The following MAML1 variants were observed in gnomAD, a reference collection of about 807,000 sequenced individuals.
The protein encoded by MAML1 is mastermind-like protein 1.
Under a neutral mutation model 77.1 loss-of-function variants are expected in MAML1, and 14 were observed. That is an observed-to-expected ratio of 0.18 (90% CI 0.12 to 0.28). The LOEUF (loss-of-function observed/expected upper bound fraction) is 0.28. Among genes scored for constraint, MAML1 ranks in the 10% least tolerant of loss-of-function variants. The probability of loss-of-function intolerance (pLI) is 1.00; values close to 1 mark genes in which losing one functional copy is unlikely to be tolerated. For synonymous variants in MAML1, 516 were observed against 551.9 expected, an observed-to-expected ratio of 0.93 and a Z score of 0.91; for missense variants, 1,217 against 1,327.8, an observed-to-expected ratio of 0.92 and a Z score of 1.30.
chr5:179,762,391 C>T (rs1450950337), intron 1 of MAML1, among the ~76,000 whole-genome samples: 1 of 151,822 alleles, frequency 6.6e-6, no homozygotes, highest in Non-Finnish European at 1.5e-5. Flanking sequence ...AGTGTGGCCT[C>T]CCAGCGAGGG....
chr5:179,739,627 C>T (rs1486597359), intron 1 of MAML1, among the ~76,000 whole-genome samples: 7 of 152,128 alleles, frequency 4.6e-5, no homozygotes, highest in Admixed American at 2.0e-4. Context: ...AAGGCTGCAG[C>T]GAGCTATGAT....
chr5:179,753,269 TTGTC>T lies in MAML1; in HGVS notation c.316-12051_316-12048del, dbSNP rs1404092729. The stretch of plus-strand genomic sequence containing the variant: ...GGGGTGAAGGAGTCCTGAATTCACA[TTGTC>T]TGTCTTTGGCCTCTGGCAATCTGCC... On this transcript the variant is annotated intron_variant, in intron 1 of 4. Transcript: ENST00000292599. Among the ~76,000 whole-genome samples, 6 of 151,970 alleles carry T rather than the reference TTGTC, an allele frequency of 3.9e-5. No individual in the cohort carries two copies. The East Asian group carries it at 1.2e-3, about 30-fold the overall frequency.
intron 1 of MAML1, among the ~76,000 whole-genome samples, chr5:179,745,310 G>A (rs189073855): frequency 6.6e-6 from 1 of 152,280 alleles, no homozygotes; most frequent in African/African-American, 2.4e-5. Context: ...ATTTATTCAT[G>A]TCATTTATGG....
chr5:179,750,334 T>C (rs1159445491), intron 1 of MAML1, among the ~76,000 whole-genome samples: 5 of 152,256 alleles, frequency 3.3e-5, no homozygotes, highest in African/African-American at 1.2e-4. Context: ...TCTCTTTGAG[T>C]GATTTGTTTT....
intron 1 of MAML1, among the ~76,000 whole-genome samples, chr5:179,748,950 G>GT (rs71276885): frequency 0.028 from 3,022 of 107,900 alleles, 27 homozygotes; most frequent in South Asian, 0.045. Context: ...AGGTGTTTTT[G>GT]TTTTTTTTTT....
chr5:179,769,733 A>G lies in MAML1; in HGVS notation c.1971+644A>G, dbSNP rs1214702627. The stretch of plus-strand genomic sequence containing the variant: ...ATGCCTGGCTAATTTTTGTGTTTTT[A>G]GTAGAGATGGGGTTTCACCACGTTG... On this transcript the variant is annotated intron_variant, in intron 3 of 4. Coordinates refer to ENST00000292599, the MANE Select transcript of MAML1 (RefSeq NM_014757.5). This position sits in a 1 kb window ranked among gnomAD's most constrained non-coding sequence, Gnocchi z 4.2. 2.0e-5 allele frequency among the ~76,000 whole-genome samples: 3 copies of G among 152,046 alleles called. No homozygotes were observed. Among genetic ancestry groups the G allele is most frequent in the Non-Finnish European group, 4.4e-5 (3 of 67,994 alleles).
intron 1 of MAML1, among the ~76,000 whole-genome samples, chr5:179,734,983 G>C (rs182101446): frequency 1.9e-4 from 29 of 152,176 alleles, no homozygotes; most frequent in African/African-American, 7.0e-4. Flanking sequence ...GCCGCCCCCA[G>C]GATTCTTTTA....
At chr5:179,747,963 AAGT>A (rs910515102) in intron 1 of MAML1, among the ~76,000 whole-genome samples, 2 of 152,198 alleles carry the variant, frequency 1.3e-5, no homozygotes, top group African/African-American at 4.8e-5. Flanking sequence ...TAGAAACAGA[AAGT>A]AGAATGGTAG....
chr5:179,753,654 A>AT (rs1209995171), intron 1 of MAML1, among the ~76,000 whole-genome samples: 3,035 of 88,938 alleles, frequency 0.034, 109 homozygotes, highest in South Asian at 0.066. Context: ...TATTATTATT[A>AT]TTTTTTTTTT....
At chr5:179,759,947 ATG>A (rs1477649185) in intron 1 of MAML1, among the ~76,000 whole-genome samples, 3 of 152,216 alleles carry the variant, frequency 2.0e-5, no homozygotes, top group Non-Finnish European at 4.4e-5. Flanking sequence ...TACCAGTTGT[ATG>A]TAGGGACTAA....
In MAML1 at chr5:179,765,381, G is replaced by A. The variant is rs773522134; in HGVS notation, c.371G>A (p.Gly124Asp). 11 of 1,612,796 alleles carry A rather than the reference G, an allele frequency of 6.8e-6. No homozygotes were observed. Among genetic ancestry groups the A allele is most frequent in the African/African-American group, 5.3e-5 (4 of 74,820 alleles). Reference protein sequence around the residue: ...NLDSATSPQNGDQQNGYGDLF... With the variant: ...NLDSATSPQNDDQQNGYGDLF... The stretch of plus-strand genomic sequence containing the variant: ...GACAGCGCCACTTCCCCTCAGAATG[G>A]CGATCAACAGAATGGCTACGGGGAC... Residue 124 changes from glycine (G) to aspartate (D), a missense_variant, in exon 2 of 5, where the codon GGC (glycine) becomes GAC (aspartate). By Grantham distance (94) the Gly-to-Asp change is moderately conservative. This residue lies in a region of MAML1 where 312 missense variants were observed against 331.4 expected (regional missense o/e 0.94). Transcript: ENST00000292599.
In MAML1 at chr5:179,772,280, G is replaced by A. The variant is rs145478391; in HGVS notation, c.2068+1037G>A. Among the ~76,000 whole-genome samples, 6 of 152,138 alleles carry A rather than the reference G, an allele frequency of 3.9e-5. No individual in the cohort carries two copies. The East Asian group carries it at 5.8e-4, about 15-fold the overall frequency. On this transcript the variant is annotated intron_variant, in intron 4 of 4. Coordinates refer to ENST00000292599, the MANE Select transcript of MAML1 (RefSeq NM_014757.5). ...ATTACAGGCGCCTGCCACCACGCCC[G>A]GCTCATTTTTGTATTTTTAGTAGAG... is the stretch of plus-strand genomic sequence containing the variant.
At chr5:179,772,983 C>T (rs761004023) in intron 4 of MAML1, among the ~76,000 whole-genome samples, 1 of 152,180 alleles carries the variant, frequency 6.6e-6, no homozygotes, top group East Asian at 1.9e-4. Flanking sequence ...CTCCGCCTCC[C>T]GGATTCAAGC....
At chr5:179,761,388 C>A (rs1052170247) in intron 1 of MAML1, among the ~76,000 whole-genome samples, 2 of 151,436 alleles carry the variant, frequency 1.3e-5, no homozygotes, top group Non-Finnish European at 1.5e-5. Context: ...AGAGTGAGAC[C>A]CTGTCTCTTA....
At chr5:179,756,711 A>G (rs556845366) in intron 1 of MAML1, among the ~76,000 whole-genome samples, 177 of 152,326 alleles carry the variant, frequency 1.2e-3, no homozygotes, top group Non-Finnish European at 1.3e-3. Context: ...CCGAGAGAGA[A>G]TAGAAACAGA....
chr5:179,762,459 G>C (rs1404708876), intron 1 of MAML1, among the ~76,000 whole-genome samples: 1 of 152,122 alleles, frequency 6.6e-6, no homozygotes, highest in African/African-American at 2.4e-5. Flanking sequence ...GGAAGGCTGA[G>C]CACACGTGGT....
Position 179,774,627 on chromosome 5 carries a change from C to G in MAML1, c.2801C>G (p.Ala934Gly), listed in dbSNP as rs1367556136. ...PQQGLPGLSP[A>G]GPELGAFSQS... The stretch of plus-strand genomic sequence containing the variant: ...CAGGGCTTGCCTGGCCTGAGCCCAG[C>G]AGGGCCTGAGCTGGGGGCCTTCAGC... The change falls in exon 5 of 5, where the codon GCA becomes GGA. Residue 934 changes from alanine to glycine, a missense_variant. By Grantham distance (60) the Ala-to-Gly change is moderately conservative. Coordinates refer to ENST00000292599, the MANE Select transcript of MAML1 (RefSeq NM_014757.5). 7 of 1,611,680 alleles carry G rather than the reference C, an allele frequency of 4.3e-6. No homozygotes were observed. The South Asian group carries it at 4.4e-5, about 10-fold the overall frequency.
intron 1 of MAML1, among the ~76,000 whole-genome samples, chr5:179,758,952 C>G (rs1286254754): frequency 6.6e-6 from 1 of 151,748 alleles, no homozygotes; most frequent in Non-Finnish European, 1.5e-5. Flanking sequence ...GAGCTGAGAT[C>G]GTGCCACTGC....
At position 179,774,341 on chromosome 5, in the gene MAML1, T is replaced by C. The variant is rs762325069; in HGVS notation, c.2515T>C (p.Trp839Arg). ...SPAMGGQNSS[W>R]QHQGMPNLSG... ...AGCCATGGGAGGCCAGAATTCCTCC[T>C]GGCAGCATCAGGGAATGCCGAACCT... Residue 839 changes from tryptophan (W) to arginine (R), a missense_variant, in exon 5 of 5, where the codon TGG becomes CGG. Coordinates refer to ENST00000292599, the MANE Select transcript of MAML1 (RefSeq NM_014757.5). The C allele has an allele frequency of 6.2e-7, 1 of 1,613,408 alleles. No individual in the cohort carries two copies.
Sources: gnomAD v4.1 joint callset for allele counts (sites outside exome capture counted in the v4.1 genomes callset) on GRCh38, gnomAD v4.1.1 for gene constraint, gnomAD v4.1.1 regional missense constraint, Gnocchi (gnomAD v3.1) non-coding constraint, MANE v1.5 for transcripts, NCBI Gene and HGNC (gene_info 2026-07-23, HGNC 2026-07-21) for gene names.